Variants in CLVS1 observed in about 807,000 individuals in gnomAD.
The protein encoded by CLVS1 is clavesin 1, also known as clavesin-1.
In CLVS1, 10 loss-of-function variants were observed where a neutral mutation model predicts 33.1. That is an observed-to-expected ratio of 0.30 (90% CI 0.19 to 0.51). The LOEUF is 0.51. Ranked by LOEUF, CLVS1 falls within the 20% of genes least tolerant of loss-of-function variation. The pLI, the probability that CLVS1 is intolerant of heterozygous loss-of-function variation, is 0.97. For missense variants in CLVS1, 343 were observed against 433.4 expected (o/e 0.79, Z 1.85); for synonymous variants, 163 against 166.1 (o/e 0.98, Z 0.14).
chr8:61,160,581 T>A (rs1450976382), intron 2 of CLVS1, among the ~76,000 whole-genome samples: 1 of 152,034 alleles, frequency 6.6e-6, no homozygotes, highest in Admixed American at 6.6e-5. Context: ...TTCCAAAGAT[T>A]GTGCTTCTAA....
At chr8:61,357,489 C>CTTTTATTTTTTT (rs1462908906) in intron 2 of CLVS1, among the ~76,000 whole-genome samples, 1 of 30,284 alleles carries the variant, frequency 3.3e-5, no homozygotes, top group Non-Finnish European at 7.4e-5. Flanking sequence ...TTTCCTTTTT[C>CTTTTATTTTTTT]TTTTCTTTTT....
At chr8:61,228,116 AT>A (rs1239510443) in intron 2 of CLVS1, among the ~76,000 whole-genome samples, 5 of 152,140 alleles carry the variant, frequency 3.3e-5, no homozygotes, top group Non-Finnish European at 7.3e-5. Context: ...AATTTTTGGT[AT>A]GTCTTTTTGT....
At chr8:61,006,499 G>A in the CLVS1 span, among the ~76,000 whole-genome samples, 1 of 152,110 alleles carries the variant, frequency 6.6e-6, no homozygotes, top group East Asian at 1.9e-4. Flanking sequence ...TGTCTGCTGC[G>A]GTCCTGGGCA....
At chr8:61,165,728 C>T (rs1000403805) in intron 2 of CLVS1, among the ~76,000 whole-genome samples, 1 of 152,302 alleles carries the variant, frequency 6.6e-6, no homozygotes, top group Non-Finnish European at 1.5e-5. Flanking sequence ...TAACCTGCAC[C>T]CCGACCACCT....
chr8:61,352,505 T>G (rs1812510691), intron 2 of CLVS1, among the ~76,000 whole-genome samples: 1 of 152,008 alleles, frequency 6.6e-6, no homozygotes, highest in Non-Finnish European at 1.5e-5. Flanking sequence ...GAAATCAAGC[T>G]TCAACAATAT....
chr8:61,032,311 A>G, the CLVS1 span, among the ~76,000 whole-genome samples: 1 of 152,184 alleles, frequency 6.6e-6, no homozygotes, highest in Non-Finnish European at 1.5e-5. Context: ...TGTGGTCTTC[A>G]TGATTGGAGC....
chr8:61,083,811 A>G (rs534399479), intron 1 of CLVS1, among the ~76,000 whole-genome samples: 6 of 152,272 alleles, frequency 3.9e-5, no homozygotes, highest in Admixed American at 3.3e-4. Context: ...GGTAGAAGAA[A>G]ATTTTCCTGC....
intron 1 of CLVS1, among the ~76,000 whole-genome samples, chr8:61,057,758 C>T (rs1338796165): frequency 2.0e-5 from 3 of 152,148 alleles, no homozygotes; most frequent in Admixed American, 2.0e-4. Context: ...GAAGAAATTG[C>T]TTGAAGTGGG....
the CLVS1 span, among the ~76,000 whole-genome samples, chr8:60,988,171 A>G: frequency 1.3e-5 from 2 of 152,198 alleles, no homozygotes; most frequent in Non-Finnish European, 2.9e-5. Flanking sequence ...ACCATCCAAC[A>G]CCAAAACCCA....
intron 4 of CLVS1, 31 bp from the exon 5 acceptor site, chr8:61,458,276 T>G (rs1563561897): frequency 6.6e-7 from 1 of 1,510,736 alleles, no homozygotes; most frequent in Non-Finnish European, 9.1e-7. Context: ...TTGGATTTTG[T>G]ATTGCTAATT....
chr8:61,275,246 G>T (rs1249511556), intron 2 of CLVS1, among the ~76,000 whole-genome samples: 2 of 151,782 alleles, frequency 1.3e-5, no homozygotes, highest in Non-Finnish European at 2.9e-5. Flanking sequence ...TCTACCACAT[G>T]CCCCACCATT....
intron 1 of CLVS1, among the ~76,000 whole-genome samples, chr8:61,110,142 C>A (rs747552812): frequency 6.6e-6 from 1 of 152,166 alleles, no homozygotes; most frequent in Non-Finnish European, 1.5e-5. Context: ...GGAGCTGTCT[C>A]ACTTGGGAAA....
rs550966855 is a variant in CLVS1, at chr8:61,221,970, G to GT, written c.-151-77706dup. On this transcript the variant is annotated intron_variant, in intron 2 of 2. Coordinates refer to the CLVS1 transcript ENST00000522621. ...CTTCTAGGTTTTCTAGTTTATTTGCGTAGAGGTGTTTATAGTACTCTCTGA... is the reference window on the plus strand; with the variant it reads ...CTTCTAGGTTTTCTAGTTTATTTGCGTTAGAGGTGTTTATAGTACTCTCTGA... Among the ~76,000 whole-genome samples, 366 of 152,168 alleles carry GT rather than the reference G, an allele frequency of 2.4e-3. 3 individuals carry two copies. Among genetic ancestry groups the GT allele is most frequent in the Non-Finnish European group, 9.0e-4 (61 of 67,992 alleles).
intron 3 of CLVS1, among the ~76,000 whole-genome samples, chr8:61,452,750 G>A (rs1236442790): frequency 1.3e-5 from 2 of 152,164 alleles, no homozygotes; most frequent in African/African-American, 4.8e-5. Flanking sequence ...TGAAGGCAAA[G>A]GCCTTTTACT....
chr8:61,075,413 G>T (rs1804892780), intron 1 of CLVS1, among the ~76,000 whole-genome samples: 1 of 152,174 alleles, frequency 6.6e-6, no homozygotes, highest in African/African-American at 2.4e-5. Flanking sequence ...TGTTGACAAA[G>T]CTCCAACATC....
At chr8:61,046,827 G>T in the CLVS1 span, among the ~76,000 whole-genome samples, 1 of 151,692 alleles carries the variant, frequency 6.6e-6, no homozygotes, top group Non-Finnish European at 1.5e-5. Flanking sequence ...TGTGATTTTT[G>T]TACATTGATT....
rs528850057 is a variant in CLVS1 at position 61,253,985 on chromosome 8, G to A, written c.-151-45692G>A. ...TGAGGAGCTGCATTCCTTTGGAGGC[G>A]GAGAGGCGCTCTGATTTTTAGAATT... On this transcript the variant is annotated intron_variant, in intron 2 of 2. Coordinates refer to the CLVS1 transcript ENST00000522621. 6.8e-4 allele frequency among the ~76,000 whole-genome samples: 103 copies of A among 152,340 alleles called. 1 individual carries two copies. The highest frequency in any genetic ancestry group is 1.9e-3 in the South Asian group (9 of 4,826).
At position 61,366,642 on chromosome 8, in the gene CLVS1, G is replaced by A. The variant is rs148181150; in HGVS notation, c.456-9963G>A. ...GCACCATGCCTACCTTCCTTCTTTC[G>A]CTAAGAAACATTTGCTGAGCATCTA... On this transcript the variant is annotated intron_variant, in intron 2 of 5. Coordinates refer to ENST00000325897, the MANE Select transcript of CLVS1 (RefSeq NM_173519.3). Among the ~76,000 whole-genome samples, 1,004 of 152,234 alleles carry A rather than the reference G, an allele frequency of 6.6e-3. 4 individuals carry two copies. Among genetic ancestry groups the A allele is most frequent in the South Asian group, 9.6e-3 (46 of 4,816 alleles).
At chr8:61,061,753 G>T (rs779323836) in intron 1 of CLVS1, among the ~76,000 whole-genome samples, 24 of 151,378 alleles carry the variant, frequency 1.6e-4, no homozygotes, top group Admixed American at 2.0e-4. Flanking sequence ...ATGCCAGGGG[G>T]ATTATCTAGT....
Sources: allele counts gnomAD v4.1 joint callset (sites outside exome capture counted in the v4.1 genomes callset), GRCh38; gene constraint gnomAD v4.1.1; transcripts MANE v1.5; gene names NCBI Gene and HGNC (gene_info 2026-07-23, HGNC 2026-07-21).